IFT74: variants seen among roughly 807,000 people sequenced by gnomAD.
The protein encoded by IFT74 is intraflagellar transport 74, also known as intraflagellar transport protein 74 homolog.
IFT74 carries 92 observed loss-of-function variants against 96.7 expected under a neutral mutation model. That is an observed-to-expected ratio of 0.95 (90% CI 0.80 to 1.13). The LOEUF is 1.13. IFT74 is among the 50% of genes most tolerant of loss of function. IFT74 has a pLI of 0.00. For missense variants in IFT74, 811 were observed against 698.2 expected, an observed-to-expected ratio of 1.16 and a Z score of -1.82; for synonymous variants, 223 against 213.2, an observed-to-expected ratio of 1.05 and a Z score of -0.40.
chr9:27,005,580 T>C (rs138165130), intron 8 of IFT74: 116 of 152,106 alleles, frequency 7.6e-4, no homozygotes, highest in African/African-American at 2.6e-3. Flanking sequence ...GCTATAAATA[T>C]ACATATCTTA....
chr9:27,031,843 G>C (rs118162277), intron 13 of IFT74, among the ~76,000 whole-genome samples: 6,063 of 151,756 alleles, frequency 0.04, 202 homozygotes, highest in South Asian at 0.12. Context: ...GAGTAGCTAG[G>C]ACTACAGGTG....
rs549325298 is a variant in IFT74, at chr9:27,058,459, T to C, written c.1623+2000T>C. 8.2e-3 allele frequency among the ~76,000 whole-genome samples: 1,241 copies of C among 151,812 alleles called. 16 individuals are homozygous for C. Among genetic ancestry groups the C allele is most frequent in the African/African-American group, 0.028 (1,139 of 41,386 alleles). On this transcript the variant is annotated intron_variant, in intron 18 of 19. Coordinates refer to ENST00000380062, the MANE Select transcript of IFT74 (RefSeq NM_025103.4). ...GGAGTGCAGTGGTGTGATCTTGGCT[T>C]ACTGCAACCTCCACCTCCTGGGTTC...
At position 27,056,405 on chromosome 9, in the gene IFT74, CAT is replaced by C; in HGVS notation, c.1571_1572del (p.Ile524ArgfsTer3). The C allele has an allele frequency of 1.2e-6, 2 of 1,601,784 alleles. No homozygotes were observed. Among genetic ancestry groups the C allele is most frequent in the Non-Finnish European group, 1.7e-6 (2 of 1,173,490 alleles). ...TTAAGAAAATAATGGAGAAGCAAAA[CAT>C]AGAGTATGAGGCACTAAAAACACAA... ...AFKKIMEKQN[I>X]EYEALKTQLQ... On this transcript the variant is annotated frameshift_variant, in exon 18 of 20. Transcript: ENST00000380062. LOFTEE classifies it high-confidence loss of function.
At chr9:26,999,228 A>G (rs1443460884) in intron 8 of IFT74, among the ~76,000 whole-genome samples, 1 of 152,210 alleles carries the variant, frequency 6.6e-6, no homozygotes, top group African/African-American at 2.4e-5. Context: ...AAGAATAAAT[A>G]GAACTAAGAA....
At position 27,056,407 on chromosome 9, in the gene IFT74, T is replaced by A; in HGVS notation, c.1571T>A (p.Ile524Lys). The A allele has an allele frequency of 6.2e-7, 1 of 1,602,894 alleles. No homozygotes were observed. The highest frequency in any genetic ancestry group is 1.1e-5 in the South Asian group (1 of 89,102). ...AFKKIMEKQN[I>K]EYEALKTQLQ... Reference sequence around the variant, plus strand: ...AAGAAAATAATGGAGAAGCAAAACATAGAGTATGAGGCACTAAAAACACAA... The same window carrying A: ...AAGAAAATAATGGAGAAGCAAAACAAAGAGTATGAGGCACTAAAAACACAA... The change falls in exon 18 of 20, where the codon ATA becomes AAA. Residue 524 changes from isoleucine (I) to lysine (K), a missense_variant. By Grantham distance (102) the Ile-to-Lys change is moderately radical. Coordinates refer to ENST00000380062, the MANE Select transcript of IFT74 (RefSeq NM_025103.4).
intron 10 of IFT74, among the ~76,000 whole-genome samples, chr9:27,014,644 C>G (rs1018466849): frequency 1.3e-5 from 2 of 152,164 alleles, no homozygotes; most frequent in Non-Finnish European, 2.9e-5. Context: ...GAGTCTTGCT[C>G]TGTTGCCCAG....
At chr9:27,012,735 T>TTTTTTTTTA (rs1432648656) in intron 10 of IFT74, among the ~76,000 whole-genome samples, 1 of 118,168 alleles carries the variant, frequency 8.5e-6, no homozygotes, top group African/African-American at 3.4e-5. Flanking sequence ...TTTTTTTTTT[T>TTTTTTTTTA]AGACAGAGTA....
At chr9:27,051,132 A>G (rs573981684) in intron 16 of IFT74, among the ~76,000 whole-genome samples, 6 of 152,254 alleles carry the variant, frequency 3.9e-5, no homozygotes, top group African/African-American at 1.4e-4. Context: ...TCATAAGTAT[A>G]TGTGCTGTAT....
intron 12 of IFT74, among the ~76,000 whole-genome samples, chr9:27,018,932 G>A (rs1391175749): frequency 6.6e-6 from 1 of 151,994 alleles, no homozygotes; most frequent in African/African-American, 2.4e-5. Context: ...TCACAGAAGT[G>A]TGCAGCCATC....
intron 8 of IFT74, chr9:26,997,966 G>C (rs749932382): frequency 3.1e-5 from 50 of 1,613,808 alleles, no homozygotes; most frequent in Middle Eastern, 1.6e-4. Context: ...GTTTATTTAA[G>C]CCTAAAAATG....
chr9:26,957,064 A>G (rs1826140815), intron 1 of IFT74, among the ~76,000 whole-genome samples: 1 of 152,220 alleles, frequency 6.6e-6, no homozygotes, highest in South Asian at 2.1e-4. Flanking sequence ...TGCAGCCGCT[A>G]ACTTTGTCAG....
chr9:27,042,011 T>G (rs1819501195), intron 13 of IFT74, among the ~76,000 whole-genome samples: 1 of 152,134 alleles, frequency 6.6e-6, no homozygotes, highest in East Asian at 1.9e-4. Flanking sequence ...AGGATGACTT[T>G]TAGGAGAGAA....
chr9:27,058,899 A>G (rs933310378), intron 18 of IFT74, among the ~76,000 whole-genome samples: 2 of 152,216 alleles, frequency 1.3e-5, no homozygotes, highest in African/African-American at 4.8e-5. Flanking sequence ...CTTATAATTG[A>G]CACAATTTTC....
chr9:27,047,692 C>T (rs1046993022), intron 15 of IFT74, among the ~76,000 whole-genome samples: 2 of 152,110 alleles, frequency 1.3e-5, no homozygotes, highest in African/African-American at 4.8e-5. Context: ...AACATTTGCA[C>T]AGATAATTTC....
intron 13 of IFT74, chr9:27,036,788 G>T: frequency 8.9e-7 from 1 of 1,119,114 alleles, no homozygotes; most frequent in Non-Finnish European, 1.1e-6. Context: ...AAAATTCTTA[G>T]ATCTTTTGAA....
intron 17 of IFT74, among the ~76,000 whole-genome samples, chr9:27,056,121 G>C (rs967410728): frequency 6.6e-6 from 1 of 151,964 alleles, no homozygotes; most frequent in Non-Finnish European, 1.5e-5. Context: ...TGGTAGGGTC[G>C]GGAGAGATAT....
intron 8 of IFT74, chr9:26,996,472 T>C: frequency 6.6e-7 from 1 of 1,516,838 alleles, no homozygotes; most frequent in Non-Finnish European, 8.9e-7. Flanking sequence ...GCTGTTGGGG[T>C]AGCTACACAT....
At chr9:27,031,454 G>A (rs1198280868) in intron 13 of IFT74, among the ~76,000 whole-genome samples, 1 of 151,126 alleles carries the variant, frequency 6.6e-6, no homozygotes, top group African/African-American at 2.4e-5. Context: ...GTGACAGAGC[G>A]AGACTCCGTC....
chr9:26,953,098 G>A (rs1290413122), upstream of IFT74, among the ~76,000 whole-genome samples: 1 of 152,150 alleles, frequency 6.6e-6, no homozygotes, highest in African/African-American at 2.4e-5. Flanking sequence ...TAGGAGTGGT[G>A]TTCTTCCGGG....
Sources: allele counts gnomAD v4.1 joint callset (sites outside exome capture counted in the v4.1 genomes callset), GRCh38; gene constraint gnomAD v4.1.1; transcripts MANE v1.5; gene names NCBI Gene and HGNC (gene_info 2026-07-23, HGNC 2026-07-21).